JMJD1C: variants seen among roughly 807,000 people sequenced by gnomAD.
JMJD1C encodes the protein jumonji domain containing 1C.
A neutral mutation model predicts 245.3 loss-of-function variants in JMJD1C; 31 were observed. The ratio of observed to expected loss-of-function variants is 0.13; its 90% confidence interval spans 0.09 to 0.17. JMJD1C has a LOEUF of 0.17. Ranked by LOEUF, JMJD1C falls within the 10% of genes least tolerant of loss-of-function variation. The pLI is 1.00. For missense variants in JMJD1C, 2,691 were observed against 3,000.2 expected (o/e 0.90, Z 2.41); for synonymous variants, 1,057 against 1,017.4 (o/e 1.04, Z -0.74).
intron 2 of JMJD1C, chr10:63,373,046 G>C (rs1033617034): frequency 5.1e-6 from 1 of 197,038 alleles, no homozygotes; most frequent in Non-Finnish European, 1.3e-5. Flanking sequence ...CAGTTAGGTA[G>C]GTGATTCGTT....
chr10:63,200,871 A>G (rs1845931852), intron 10 of JMJD1C, among the ~76,000 whole-genome samples, 194 bp from the exon 11 acceptor site: 1 of 152,228 alleles, frequency 6.6e-6, no homozygotes, highest in East Asian at 1.9e-4. Flanking sequence ...TTACTAACCA[A>G]TTCTATTAAC....
At chr10:63,209,258 A>G (rs775724693) in intron 8 of JMJD1C, 23 bp from the exon 9 acceptor site, 1 of 1,571,020 alleles carries the variant, frequency 6.4e-7, no homozygotes. Flanking sequence ...CAAAACAAAA[A>G]AAACACCTAG....
At chr10:63,381,105 T>C (rs576156653) in intron 1 of JMJD1C, among the ~76,000 whole-genome samples, 1 of 152,346 alleles carries the variant, frequency 6.6e-6, no homozygotes, top group East Asian at 1.9e-4. Flanking sequence ...AATGAAATCT[T>C]GTCTTTTGCA....
intron 3 of JMJD1C, among the ~76,000 whole-genome samples, chr10:63,248,240 A>T (rs1326352909): frequency 6.6e-6 from 1 of 152,060 alleles, no homozygotes; most frequent in Non-Finnish European, 1.5e-5. Context: ...AGGCAGGTGG[A>T]TCACAAGGTC....
At chr10:63,186,576 A>C (rs1844155872) in intron 18 of JMJD1C, among the ~76,000 whole-genome samples, 193 bp from the exon 19 acceptor site, 1 of 152,044 alleles carries the variant, frequency 6.6e-6, no homozygotes. Flanking sequence ...GAAACTATTA[A>C]ATTTCGAGCC....
At chr10:63,369,627 T>C (rs1444245131) in intron 2 of JMJD1C, among the ~76,000 whole-genome samples, 5 of 152,192 alleles carry the variant, frequency 3.3e-5, no homozygotes, top group East Asian at 1.9e-4. Flanking sequence ...CTCCCAATAT[T>C]AGGCATATTC....
intron 1 of JMJD1C, among the ~76,000 whole-genome samples, chr10:63,512,168 G>A (rs978730865): frequency 9.9e-5 from 15 of 152,012 alleles, no homozygotes; most frequent in South Asian, 2.1e-4. Flanking sequence ...AAGCATAATC[G>A]AATACATGGT....
Position 63,264,769 on chromosome 10 carries a change from C to A in JMJD1C, c.334-5G>T. On this transcript the variant is annotated splice_region_variant and splice_polypyrimidine_tract_variant and intron_variant, in intron 2 of 25. Transcript: ENST00000399262. ...TTCAACCAGAGGTTTGAAAGTCTGCCAAGAAAAAAAAAATTTCTAATGATA... is the reference window on the plus strand; with the variant it reads ...TTCAACCAGAGGTTTGAAAGTCTGCAAAGAAAAAAAAAATTTCTAATGATA... 6 of 1,398,206 alleles carry A rather than the reference C, an allele frequency of 4.3e-6. No homozygotes were observed. The highest frequency in any genetic ancestry group is 2.1e-5 in the Admixed American group (1 of 48,308). 86.6% of individuals were successfully genotyped at this position (1,398,206 alleles called of 1,614,324 possible). A position where few individuals can be genotyped will look rare whatever the true frequency, so the allele number is the denominator to read the frequency against.
rs199812957 is a variant in JMJD1C, at chr10:63,206,860, T to C, written c.4809A>G (p.Ile1603Met). The C allele has an allele frequency of 1.1e-5, 17 of 1,606,492 alleles. No individual in the cohort carries two copies. Among genetic ancestry groups the C allele is most frequent in the Middle Eastern group, 1.7e-4 (1 of 6,038 alleles). ...TATCATCTTTTACATATTTATCAAC[T>C]ATGATCTTACTATCTACACTATTTT... Reference protein sequence around the residue: ...DIQNSVDSKIIVDKYVKDDKV... With the variant: ...DIQNSVDSKIMVDKYVKDDKV... Residue 1603 changes from isoleucine to methionine, a missense_variant, in exon 10 of 26, where the codon ATA (isoleucine) becomes ATG (methionine). This residue lies in a region of JMJD1C where 144 missense variants were observed against 143.3 expected (regional missense o/e 1.00). Transcript: ENST00000399262.
chr10:63,500,762 T>C (rs546476523), intron 1 of JMJD1C, among the ~76,000 whole-genome samples: 1 of 147,768 alleles, frequency 6.8e-6, no homozygotes, highest in Non-Finnish European at 1.5e-5. Context: ...GATGGATGGA[T>C]GGATGGATGG....
intron 1 of JMJD1C, among the ~76,000 whole-genome samples, chr10:63,395,455 G>A (rs1315356401): frequency 1.3e-5 from 2 of 152,164 alleles, no homozygotes; most frequent in Non-Finnish European, 2.9e-5. Flanking sequence ...TCCAGCCTGT[G>A]CAACAGAGGG....
intron 8 of JMJD1C, among the ~76,000 whole-genome samples, chr10:63,211,093 C>T (rs994889938): frequency 2.6e-5 from 4 of 152,170 alleles, no homozygotes; most frequent in Non-Finnish European, 5.9e-5. Context: ...GAATAAACCA[C>T]AGGAAACATC....
chr10:63,454,142 C>A (rs1952249571), intron 1 of JMJD1C, among the ~76,000 whole-genome samples: 1 of 152,194 alleles, frequency 6.6e-6, no homozygotes, highest in Non-Finnish European at 1.5e-5. Flanking sequence ...GCCACATCTA[C>A]ACTTTTTGCA....
intron 1 of JMJD1C, among the ~76,000 whole-genome samples, chr10:63,428,919 AT>A (rs1174676392): frequency 1.3e-5 from 2 of 152,148 alleles, no homozygotes; most frequent in East Asian, 3.9e-4. Context: ...GAACCATAAA[AT>A]CTCTGGCTTA....
intron 1 of JMJD1C, among the ~76,000 whole-genome samples, chr10:63,395,205 G>A (rs1430432535): frequency 6.6e-6 from 1 of 151,720 alleles, no homozygotes; most frequent in Admixed American, 6.6e-5. Context: ...TTGGCCAGGT[G>A]CAGCGGCTCA....
intron 2 of JMJD1C, among the ~76,000 whole-genome samples, chr10:63,333,109 T>TA (rs1291219406): frequency 1.3e-5 from 2 of 152,140 alleles, no homozygotes; most frequent in Non-Finnish European, 2.9e-5. Flanking sequence ...TATAATATAG[T>TA]AAAATATACA....
chr10:63,266,469 T>TA (rs1244531746), intron 2 of JMJD1C, among the ~76,000 whole-genome samples: 2 of 152,156 alleles, frequency 1.3e-5, no homozygotes, highest in Non-Finnish European at 2.9e-5. Flanking sequence ...ATTTAGGCTT[T>TA]AAAAGTGTCC....
At chr10:63,380,130 G>T in intron 2 of JMJD1C, 188 bp downstream of exon 2, 6 of 463,104 alleles carry the variant, frequency 1.3e-5, no homozygotes, top group East Asian at 4.0e-5. Flanking sequence ...TTTTGGTAGA[G>T]ATGGGGTCTC....
intron 3 of JMJD1C, among the ~76,000 whole-genome samples, chr10:63,228,561 C>T (rs1270252769): frequency 6.6e-6 from 1 of 152,184 alleles, no homozygotes; most frequent in Non-Finnish European, 1.5e-5. Context: ...AAGAAGCAGG[C>T]TGGATTAGCT....
Sources: allele counts gnomAD v4.1 joint callset (sites outside exome capture counted in the v4.1 genomes callset), GRCh38; gene constraint gnomAD v4.1.1; regional missense constraint gnomAD v4.1.1; transcripts MANE v1.5; gene names NCBI Gene and HGNC (gene_info 2026-07-23, HGNC 2026-07-21).